DAGLB: variants seen among roughly 807,000 people sequenced by gnomAD.
DAGLB encodes the protein diacylglycerol lipase beta, also known as diacylglycerol lipase-beta.
Under a neutral mutation model 72.1 loss-of-function variants are expected in DAGLB, and 66 were observed. The ratio of observed to expected loss-of-function variants is 0.92; its 90% CI spans 0.75 to 1.12. DAGLB has a LOEUF of 1.12. DAGLB is among the 50% of genes most tolerant of loss of function. The probability of loss-of-function intolerance (pLI) is 0.00; values close to 1 mark genes in which losing one functional copy is unlikely to be tolerated. For missense variants in DAGLB, 1,065 were observed against 884.9 expected (o/e 1.20, Z -2.58); for synonymous variants, 414 against 359.5 (o/e 1.15, Z -1.71).
chr7:6,417,375 C>T (rs73057340), intron 9 of DAGLB: 2,375 of 158,396 alleles, frequency 0.015, 36 homozygotes, highest in South Asian at 0.028. Flanking sequence ...AGTGAGTTAT[C>T]GTCGCACCAC....
chr7:6,416,098 G>A (rs546519132), intron 11 of DAGLB, among the ~76,000 whole-genome samples: 1 of 152,232 alleles, frequency 6.6e-6, no homozygotes, highest in East Asian at 1.9e-4. Context: ...ACAATCTGCT[G>A]CTCAGTTTTG....
intron 2 of DAGLB, among the ~76,000 whole-genome samples, chr7:6,443,615 C>G (rs1226921291): frequency 6.6e-6 from 1 of 152,184 alleles, no homozygotes; most frequent in Non-Finnish European, 1.5e-5. Flanking sequence ...CTCCTATGAG[C>G]TAACACCTTT....
intron 9 of DAGLB, among the ~76,000 whole-genome samples, chr7:6,419,033 A>C (rs1245353379): frequency 6.6e-6 from 1 of 151,534 alleles, no homozygotes. Context: ...CATATAAGAA[A>C]ATTTTTAAAA....
In DAGLB at chr7:6,432,867, C is replaced by G. The variant is rs977601175; in HGVS notation, c.771G>C (p.Gln257His). 3 of 1,613,948 alleles carry G rather than the reference C, an allele frequency of 1.9e-6. No homozygotes were observed. Among genetic ancestry groups the G allele is most frequent in the Admixed American group, 3.3e-5 (2 of 60,014 alleles). Residue 257 changes from glutamine (Q) to histidine (H), a missense_variant, in exon 5 of 15, where the codon CAG becomes CAC. Coordinates refer to ENST00000297056, the MANE Select transcript of DAGLB (RefSeq NM_139179.4). ...DNIRNNQEPA[Q>H]VVCHAPGSSQ... ...AGCTCCCTGGGGCATGGCAGACCACCTGGGCAGGCTCTTGGTTGTTCCTGA... is the reference window on the plus strand; with the variant it reads ...AGCTCCCTGGGGCATGGCAGACCACGTGGGCAGGCTCTTGGTTGTTCCTGA...
rs1784252308 is a variant in DAGLB at position 6,424,842 on chromosome 7, G to A, written c.1057-7C>T. 6.2e-6 allele frequency: 10 copies of A among 1,613,460 alleles called. No individual in the cohort carries two copies. The highest frequency in any genetic ancestry group is 8.5e-6 in the Non-Finnish European group (10 of 1,179,590). ...AAAACGGCAGCTCGTAAACCTGCAG[G>A]AGCAAGAAACAAGCATGGGGCCTAA... On this transcript the variant is annotated splice_polypyrimidine_tract_variant and splice_region_variant and intron_variant, in intron 7 of 14. Transcript: ENST00000297056.
At chr7:6,413,494 G>T (rs539701886) in intron 11 of DAGLB, among the ~76,000 whole-genome samples, 1 of 152,314 alleles carries the variant, frequency 6.6e-6, no homozygotes, top group Non-Finnish European at 1.5e-5. Flanking sequence ...GCCAGGCGTG[G>T]TGGTGGGCGC....
At chr7:6,443,702 A>G (rs930033243) in intron 2 of DAGLB, among the ~76,000 whole-genome samples, 1 of 152,032 alleles carries the variant, frequency 6.6e-6, no homozygotes, top group African/African-American at 2.4e-5. Context: ...CTCCCAGTGC[A>G]CCTCACCACC....
Position 6,446,045 on chromosome 7 carries a change from C to T in DAGLB, c.155G>A (p.Gly52Glu), listed in dbSNP as rs1188267001. Residue 52 changes from glycine to glutamate, a missense_variant, in exon 2 of 15, where the codon GGA becomes GAA. By Grantham distance (98) the Gly-to-Glu change is moderately conservative. Transcript: ENST00000297056. ...MHRGKLDCAG[G>E]ALLSSYLIVL... is the part of the protein sequence containing the mutation. ...GATCAAGTAACTGCTGAGCAAGGCT[C>T]CACCAGCACAGTCCAGCTTTCCTCT... 1 of 1,613,620 alleles carries T rather than the reference C, an allele frequency of 6.2e-7. No homozygotes were observed. Among genetic ancestry groups the T allele is most frequent in the Admixed American group, 1.7e-5 (1 of 59,904 alleles).
chr7:6,441,436 G>C (rs1013679449), intron 2 of DAGLB, among the ~76,000 whole-genome samples: 1 of 94,112 alleles, frequency 1.1e-5, no homozygotes, highest in East Asian at 3.1e-4. Context: ...TTTTTTTTTT[G>C]AGACAGAGTC....
At chr7:6,418,565 T>C (rs528555638) in intron 9 of DAGLB, among the ~76,000 whole-genome samples, 3 of 152,300 alleles carry the variant, frequency 2.0e-5, no homozygotes, top group African/African-American at 7.2e-5. Context: ...GCCTGGCCCC[T>C]GTCCCGTGCA....
At chr7:6,446,226 T>C (rs1328362880) in intron 1 of DAGLB, 122 bp from the exon 2 acceptor site, 13 of 983,962 alleles carry the variant, frequency 1.3e-5, no homozygotes, top group Non-Finnish European at 1.8e-5. Context: ...CACAGCACTT[T>C]GGGAGGGTGA....
At position 6,436,410 on chromosome 7, in the gene DAGLB, T is replaced by C. The variant is rs1784659386; in HGVS notation, c.371A>G (p.Gln124Arg). The change falls in exon 3 of 15, where the codon CAG (glutamine) becomes CGG (arginine). Residue 124 changes from glutamine to arginine, a missense_variant. By Grantham distance (43) the Gln-to-Arg change is conservative. Transcript: ENST00000297056. The part of the protein sequence containing the change: ...LGAAWVADGV[Q>R]CDRTVVNGII... The stretch of plus-strand genomic sequence containing the variant: ...GCCGTTTACAACTGTCCTGTCGCAC[T>C]GAACACCATCTGCCACCCAGGCAGC... The C allele has an allele frequency of 6.2e-7, 1 of 1,614,076 alleles. No homozygotes were observed. The highest frequency in any genetic ancestry group is 2.2e-5 in the East Asian group (1 of 44,886).
At chr7:6,440,667 C>CG (rs1784799689) in intron 2 of DAGLB, among the ~76,000 whole-genome samples, 2 of 152,134 alleles carry the variant, frequency 1.3e-5, no homozygotes, top group South Asian at 4.2e-4. Context: ...GAGGCCATGG[C>CG]GGGAAGTTCG....
At chr7:6,432,548 T>C (rs563404665) in intron 5 of DAGLB, among the ~76,000 whole-genome samples, 2 of 150,628 alleles carry the variant, frequency 1.3e-5, no homozygotes, top group South Asian at 4.2e-4. Flanking sequence ...TAGTCCCAGC[T>C]ACTCAGGAGG....
chr7:6,444,135 A>G (rs1408816646), intron 2 of DAGLB, among the ~76,000 whole-genome samples: 1 of 152,014 alleles, frequency 6.6e-6, no homozygotes, highest in Non-Finnish European at 1.5e-5. Context: ...TTAGCCAGGT[A>G]TGGTGGCACG....
chr7:6,430,579 T>C lies in DAGLB; in HGVS notation c.830A>G (p.Asn277Ser), dbSNP rs754065964. Residue 277 changes from asparagine to serine, a missense_variant, in exon 6 of 15, where the codon AAC (asparagine) becomes AGC (serine). Coordinates refer to ENST00000297056, the MANE Select transcript of DAGLB (RefSeq NM_139179.4). Reference sequence around the variant, plus strand: ...TGCAAACTGCATGTAATGATGGCAGTTTTCTAATTCTGCATCCAGATCAGC... The same window carrying C: ...TGCAAACTGCATGTAATGATGGCAGCTTTCTAATTCTGCATCCAGATCAGC... ...QEADLDAELE[N>S]CHHYMQFAAA... The C allele has an allele frequency of 1.9e-6, 3 of 1,603,242 alleles. No individual in the cohort carries two copies. In the Admixed American group the frequency reaches 5.1e-5, roughly 27 times the overall value.
At position 6,447,858 on chromosome 7, in the gene DAGLB, G is replaced by C. The variant is rs372243480; in HGVS notation, c.-16C>G. 3 of 1,604,290 alleles carry C rather than the reference G, an allele frequency of 1.9e-6. No homozygotes were observed. The highest frequency in any genetic ancestry group is 2.6e-6 in the Non-Finnish European group (3 of 1,176,388). On this transcript the variant is annotated 5_prime_UTR_variant, in exon 1 of 15. Transcript: ENST00000297056. ...TCCCCGGCATGGCGAAGGTCCCGTA[G>C]CTCGCACTCAGGAGAGACCCCGCGC...
chr7:6,430,745 G>A (rs897598447), intron 5 of DAGLB, 138 bp from the exon 6 acceptor site: 1 of 981,146 alleles, frequency 1.0e-6, no homozygotes, highest in Non-Finnish European at 1.4e-6. Flanking sequence ...ACGCCCACAG[G>A]CAAAACTGCT....
chr7:6,424,713 A>T, intron 8 of DAGLB, 39 bp downstream of exon 8: 1 of 1,603,632 alleles, frequency 6.2e-7, no homozygotes, highest in Non-Finnish European at 8.5e-7. Context: ...CCGCTCCCGC[A>T]CCCACTCCCA....
Sources: gnomAD v4.1 joint callset for allele counts (sites outside exome capture counted in the v4.1 genomes callset) on GRCh38, gnomAD v4.1.1 for gene constraint, MANE v1.5 for transcripts, NCBI Gene and HGNC (gene_info 2026-07-23, HGNC 2026-07-21) for gene names.